Variants in FBXO6 observed in about 807,000 individuals in gnomAD.
The protein encoded by FBXO6 is F-box only protein 6.
In FBXO6, 13 loss-of-function variants were observed where a neutral mutation model predicts 25.0. The observed-to-expected ratio is 0.52, with a 90% CI of 0.34 to 0.83. The LOEUF (loss-of-function observed/expected upper bound fraction) is 0.83, where lower values mean the gene tolerates loss of function less well. Among genes scored for constraint, FBXO6 ranks in the 40% least tolerant of loss-of-function variants. The pLI is 0.02. For synonymous variants in FBXO6, 138 were observed against 155.3 expected, an observed-to-expected ratio of 0.89 and a Z score of 0.83; for missense variants, 370 against 380.2, an observed-to-expected ratio of 0.97 and a Z score of 0.22.
intron 2 of FBXO6, among the ~76,000 whole-genome samples, chr1:11,669,914 G>C (rs1241116839): frequency 7.0e-6 from 1 of 142,758 alleles, no homozygotes; most frequent in East Asian, 2.3e-4. Flanking sequence ...TGGGATTACA[G>C]GCGTGAGCCA....
chr1:11,665,576 T>TTTTTTTTTTTTTTA (rs1640406766), intron 1 of FBXO6, among the ~76,000 whole-genome samples: 1 of 122,048 alleles, frequency 8.2e-6, no homozygotes, highest in South Asian at 2.7e-4. Context: ...TTTTTTTTTT[T>TTTTTTTTTTTTTTA]TTGAGACAGA....
intron 2 of FBXO6, among the ~76,000 whole-genome samples, chr1:11,669,564 T>C (rs1050997512): frequency 2.0e-5 from 3 of 148,786 alleles, no homozygotes; most frequent in African/African-American, 5.2e-5. Flanking sequence ...TGCCACACTA[T>C]AGCATCCACA....
chr1:11,668,649 C>A lies in FBXO6; in HGVS notation c.-3-7C>A. The stretch of plus-strand genomic sequence containing the variant: ...GGTCAGGCTCATAACTGCTGTTGCC[C>A]CCACAGGCCATGGATGCTCCCCACT... On this transcript the variant is annotated splice_polypyrimidine_tract_variant and splice_region_variant and intron_variant, in intron 1 of 5. Transcript: ENST00000376753. 6.2e-7 allele frequency: 1 copy of A among 1,606,014 alleles called. No individual in the cohort carries two copies. Among genetic ancestry groups the A allele is most frequent in the Non-Finnish European group, 8.5e-7 (1 of 1,173,432 alleles).
intron 1 of FBXO6, among the ~76,000 whole-genome samples, chr1:11,667,001 G>A (rs1040774896): frequency 1.3e-5 from 2 of 152,054 alleles, no homozygotes; most frequent in African/African-American, 4.8e-5. Flanking sequence ...ACAAAAATTA[G>A]CTGGGTGTGG....
chr1:11,672,548 C>G (rs1485975543), intron 4 of FBXO6, among the ~76,000 whole-genome samples: 1 of 152,184 alleles, frequency 6.6e-6, no homozygotes, highest in Non-Finnish European at 1.5e-5. Flanking sequence ...CCTCGGCCTC[C>G]CAAAGTGCTG....
chr1:11,670,847 C>T (rs1415792723), intron 2 of FBXO6, among the ~76,000 whole-genome samples: 2 of 152,186 alleles, frequency 1.3e-5, no homozygotes, highest in African/African-American at 4.8e-5. Flanking sequence ...TCCACCGCAA[C>T]ATGGAAGTGA....
Position 11,670,398 on chromosome 1 carries a change from T to C in FBXO6, c.287-868T>C, listed in dbSNP as rs77424374. ...CGCCCAGCCCAAAGGGTACCTGTTC[T>C]TCCACTTGGCACTCTTGCCCTGGGC... On this transcript the variant is annotated intron_variant, in intron 2 of 5. Coordinates refer to ENST00000376753, the MANE Select transcript of FBXO6 (RefSeq NM_018438.6). 2.8e-3 allele frequency among the ~76,000 whole-genome samples: 421 copies of C among 152,054 alleles called. 1 individual carries two copies. The highest frequency in any genetic ancestry group is 9.6e-3 in the African/African-American group (400 of 41,466).
chr1:11,664,588 C>T (rs928796785), intron 1 of FBXO6: 3 of 151,942 alleles, frequency 2.0e-5, no homozygotes, highest in Non-Finnish European at 2.9e-5. Context: ...GCCACCCAGG[C>T]GGAGGCTCTG....
At chr1:11,665,579 G>A (rs1213584001) in intron 1 of FBXO6, among the ~76,000 whole-genome samples, 1 of 3,262 alleles carries the variant, frequency 3.1e-4, no homozygotes, top group Non-Finnish European at 6.1e-4. Flanking sequence ...TTTTTTTTTT[G>A]AGACAGATTC....
Position 11,673,920 on chromosome 1 carries a change from G to C in FBXO6, c.*69G>C. ...GCAGGAGCTGAGCATGGGGTGGGCAGTGAGGTCCCTGTACCAGCGACTCCT... is the reference window on the plus strand; with the variant it reads ...GCAGGAGCTGAGCATGGGGTGGGCACTGAGGTCCCTGTACCAGCGACTCCT... On this transcript the variant is annotated 3_prime_UTR_variant, in exon 6 of 6. Coordinates refer to ENST00000376753, the MANE Select transcript of FBXO6 (RefSeq NM_018438.6). This position sits in a 1 kb window ranked among gnomAD's most constrained non-coding sequence, Gnocchi z 4.3. 1 of 1,429,908 alleles carries C rather than the reference G, an allele frequency of 7.0e-7. No homozygotes were observed. Among genetic ancestry groups the C allele is most frequent in the Non-Finnish European group, 9.8e-7 (1 of 1,016,596 alleles). The allele number at this position is 1,429,908 out of a possible 1,614,324, so 88.6% of individuals were successfully genotyped here.
Position 11,673,672 on chromosome 1 carries a change from G to T in FBXO6, c.703G>T (p.Gly235Trp), listed in dbSNP as rs757635511. The T allele has an allele frequency of 5.0e-6, 8 of 1,613,970 alleles. No homozygotes were observed. Among genetic ancestry groups the T allele is most frequent in the Non-Finnish European group, 6.8e-6 (8 of 1,180,020 alleles). The stretch of plus-strand genomic sequence containing the variant: ...TGTCCGCTACATCCTCTTCCAGCAT[G>T]GGGGCAGGGACACCCAGTACTGGGC... ...RGVRYILFQH[G>W]GRDTQYWAGW... Residue 235 changes from glycine to tryptophan, a missense_variant, in exon 6 of 6, where the codon GGG becomes TGG. Coordinates refer to ENST00000376753, the MANE Select transcript of FBXO6 (RefSeq NM_018438.6). This position sits in a 1 kb window ranked among gnomAD's most constrained non-coding sequence, Gnocchi z 4.3.
rs1207152714 is a variant in FBXO6, at chr1:11,673,816, C to G, written c.847C>G (p.Gln283Glu). Reference sequence around the variant, plus strand: ...GAAGCATGGACAGGAGGAGGCTGCCCAATCGCCCTACCGAGCTGTTGTCCA... The same window carrying G: ...GAAGCATGGACAGGAGGAGGCTGCCGAATCGCCCTACCGAGCTGTTGTCCA... ...GQKHGQEEAA[Q>E]SPYRAVVQIF Residue 283 changes from glutamine to glutamate, a missense_variant, in exon 6 of 6, where the codon CAA becomes GAA. Coordinates refer to ENST00000376753, the MANE Select transcript of FBXO6 (RefSeq NM_018438.6). The surrounding 1 kb of genome is among the most constrained non-coding windows in gnomAD (Gnocchi z 4.3). 3 of 1,613,982 alleles carry G rather than the reference C, an allele frequency of 1.9e-6. No individual in the cohort carries two copies. Among genetic ancestry groups the G allele is most frequent in the Admixed American group, 3.3e-5 (2 of 59,992 alleles).
intron 1 of FBXO6, chr1:11,664,832 TGA>T: frequency 1.3e-5 from 2 of 151,882 alleles, no homozygotes; most frequent in South Asian, 4.2e-4. Flanking sequence ...CCGATCGGTG[TGA>T]GAGGGCTTCC....
rs745847520 is a variant in FBXO6 at position 11,673,821 on chromosome 1, G to A, written c.852G>A (p.Ser284=). The change falls in exon 6 of 6, where the codon TCG becomes TCA. Residue 284 remains serine (S), a synonymous_variant. Transcript: ENST00000376753. The surrounding 1 kb of genome is among the most constrained non-coding windows in gnomAD (Gnocchi z 4.3). ...ATGGACAGGAGGAGGCTGCCCAATC[G>A]CCCTACCGAGCTGTTGTCCAGATTT... The part of the protein sequence containing the change: ...QKHGQEEAAQ[S]PYRAVVQIF 5.0e-6 allele frequency: 8 copies of A among 1,614,074 alleles called. No homozygotes were observed. The highest frequency in any genetic ancestry group is 4.4e-5 in the South Asian group (4 of 91,088).
intron 2 of FBXO6, among the ~76,000 whole-genome samples, chr1:11,670,504 A>G (rs1640584721): frequency 6.6e-6 from 1 of 151,700 alleles, no homozygotes; most frequent in African/African-American, 2.4e-5. Flanking sequence ...AGGGCCTCCA[A>G]CCTGGGTTAT....
Position 11,668,871 on chromosome 1 carries a change from C to G in FBXO6, c.213C>G (p.Pro71=). ...EGFITKDWDQ[P]VADWKIFYFL... ...TCATCACCAAGGACTGGGACCAGCC[C>G]GTGGCCGACTGGAAAATCTTCTACT... Residue 71 remains proline (P), a synonymous_variant, in exon 2 of 6, where the codon CCC becomes CCG. Coordinates refer to ENST00000376753, the MANE Select transcript of FBXO6 (RefSeq NM_018438.6). The G allele has an allele frequency of 6.2e-7, 1 of 1,614,146 alleles. No homozygotes were observed. The highest frequency in any genetic ancestry group is 8.5e-7 in the Non-Finnish European group (1 of 1,180,022).
At chr1:11,671,196 G>A in intron 2 of FBXO6, 70 bp from the exon 3 acceptor site, 1 of 1,578,384 alleles carries the variant, frequency 6.3e-7, no homozygotes, top group Non-Finnish European at 8.7e-7. Flanking sequence ...CCGCCCTCCT[G>A]GGACTAAGTG....
At chr1:11,671,856 C>G in intron 3 of FBXO6, 72 bp from the exon 4 acceptor site, 1 of 1,382,132 alleles carries the variant, frequency 7.2e-7, no homozygotes, top group Admixed American at 1.8e-5. Context: ...ACAGGGGCTG[C>G]CAAGGCCTGG....
rs1640673773 is a variant in FBXO6, at chr1:11,673,167, C to T, written c.510-110C>T. ...CTGGGCCTTGCAGGCAGAGCAGTGT[C>T]AGCTGATGGGAGATGAAGCTCCGAG... On this transcript the variant is annotated intron_variant, in intron 4 of 5. Transcript: ENST00000376753. The surrounding 1 kb of genome is among the most constrained non-coding windows in gnomAD (Gnocchi z 4.3). 22 of 1,359,770 alleles carry T rather than the reference C, an allele frequency of 1.6e-5. 1 individual carries two copies. The South Asian group carries it at 3.1e-4, about 19-fold the overall frequency. 84.2% of individuals were successfully genotyped at this position (1,359,770 alleles called of 1,614,324 possible).
Sources: gnomAD v4.1 joint callset for allele counts (sites outside exome capture counted in the v4.1 genomes callset) on GRCh38, gnomAD v4.1.1 for gene constraint, Gnocchi (gnomAD v3.1) non-coding constraint, MANE v1.5 for transcripts, NCBI Gene and HGNC (gene_info 2026-07-23, HGNC 2026-07-21) for gene names.